FRMD4A: variants seen among roughly 807,000 people sequenced by gnomAD.
FRMD4A encodes FERM domain containing 4A.
Under a neutral mutation model 129.1 loss-of-function variants are expected in FRMD4A, and 29 were observed. That is an observed-to-expected ratio of 0.22 (90% CI 0.17 to 0.31). FRMD4A has a LOEUF of 0.31. Among genes scored for constraint, FRMD4A ranks in the 10% least tolerant of loss-of-function variants. The pLI, the probability that FRMD4A is intolerant of heterozygous loss-of-function variation, is 1.00. For missense variants in FRMD4A, 1,272 were observed against 1,375.8 expected (o/e 0.92, Z 1.19); for synonymous variants, 634 against 571.6 (o/e 1.11, Z -1.56).
In FRMD4A at chr10:14,066,008, T is replaced by TGTG. The variant is rs1588899002; in HGVS notation, c.46-207097_46-207096insCAC. ...GGAAGTATGAAGTGGGGGTATGTAT[T>TGTG]TGTGTGTGTGTGTGTGTGTGTGTGT... is the stretch of plus-strand genomic sequence containing the variant. On this transcript the variant is annotated intron_variant, in intron 2 of 24. Coordinates refer to ENST00000357447, the MANE Select transcript of FRMD4A (RefSeq NM_018027.5). Among the ~76,000 whole-genome samples, 242 of 139,224 alleles carry TGTG rather than the reference T, an allele frequency of 1.7e-3. 1 individual carries two copies. The highest frequency in any genetic ancestry group is 6.0e-3 in the African/African-American group (224 of 37,440). The allele number at this position is 139,224 out of a possible 152,430, so 91.3% of individuals were successfully genotyped here. A position where few individuals can be genotyped will look rare whatever the true frequency, so the allele number is the denominator to read the frequency against.
chr10:14,021,950 G>T (rs927983309), intron 2 of FRMD4A, among the ~76,000 whole-genome samples: 2 of 149,812 alleles, frequency 1.3e-5, no homozygotes, highest in Non-Finnish European at 3.0e-5. Context: ...AGATTTCTGC[G>T]TTTTTTTTTG....
At chr10:14,225,769 G>A (rs1016601536) in intron 2 of FRMD4A, among the ~76,000 whole-genome samples, 3 of 152,204 alleles carry the variant, frequency 2.0e-5, no homozygotes, top group Admixed American at 6.5e-5. Context: ...AGAAGAAGCT[G>A]GTTAGACAGA....
intron 2 of FRMD4A, among the ~76,000 whole-genome samples, chr10:14,108,593 T>C (rs369892377): frequency 3.0e-4 from 46 of 152,292 alleles, no homozygotes; most frequent in African/African-American, 1.1e-3. Context: ...CATCAAGAAC[T>C]TAACCCAATT....
intron 2 of FRMD4A, among the ~76,000 whole-genome samples, chr10:14,188,208 C>A (rs767183080): frequency 6.6e-6 from 1 of 152,154 alleles, no homozygotes; most frequent in Non-Finnish European, 1.5e-5. Context: ...TAAAAAATGA[C>A]TGGATTCTCA....
chr10:14,112,269 C>T (rs192608701), intron 2 of FRMD4A, among the ~76,000 whole-genome samples: 3 of 152,112 alleles, frequency 2.0e-5, no homozygotes, highest in African/African-American at 7.2e-5. Flanking sequence ...TAATTAGGAG[C>T]TGTGTAGATC....
At chr10:14,042,961 C>G (rs1446581075) in intron 2 of FRMD4A, among the ~76,000 whole-genome samples, 1 of 142,026 alleles carries the variant, frequency 7.0e-6, no homozygotes, top group Admixed American at 7.0e-5. Context: ...AAATTCATTT[C>G]GAAACAAAAC....
chr10:13,789,669 A>G (rs1185443646), intron 5 of FRMD4A, among the ~76,000 whole-genome samples: 2 of 151,656 alleles, frequency 1.3e-5, no homozygotes, highest in African/African-American at 4.8e-5. Context: ...CCTGGTGAAC[A>G]ATATCAGAGA....
chr10:13,835,000 CATCT>C (rs1280016860), intron 3 of FRMD4A, among the ~76,000 whole-genome samples: 1 of 152,186 alleles, frequency 6.6e-6, no homozygotes, highest in Non-Finnish European at 1.5e-5. Flanking sequence ...ATGATGATAT[CATCT>C]ATCTAAGACC....
At position 13,672,158 on chromosome 10, in the gene FRMD4A, G is replaced by A. The variant is rs11258511; in HGVS notation, c.1252-1630C>T. On this transcript the variant is annotated intron_variant, in intron 16 of 24. Transcript: ENST00000357447. ...AGCATAAACACATACTCCGTCACTC[G>A]CCTGCTTCTCCCTCGCTGTGTTCAG... Among the ~76,000 whole-genome samples the A allele has an allele frequency of 6.1e-3, 925 of 152,286 alleles. 7 individuals are homozygous for A. Among genetic ancestry groups the A allele is most frequent in the African/African-American group, 0.021 (883 of 41,546 alleles).
chr10:13,900,394 A>G (rs1243071138), intron 2 of FRMD4A, among the ~76,000 whole-genome samples: 1 of 152,222 alleles, frequency 6.6e-6, no homozygotes, highest in Non-Finnish European at 1.5e-5. Flanking sequence ...AACTCATGGC[A>G]ACAAAAACCC....
intron 2 of FRMD4A, among the ~76,000 whole-genome samples, chr10:14,127,941 T>C (rs1838947922): frequency 7.7e-5 from 1 of 12,982 alleles, no homozygotes; most frequent in Non-Finnish European, 1.4e-4. Context: ...TTTCTTTCTT[T>C]CTTTCTTTCT....
chr10:14,154,225 A>AC (rs1840488338), intron 2 of FRMD4A, among the ~76,000 whole-genome samples: 2 of 152,126 alleles, frequency 1.3e-5, no homozygotes, highest in African/African-American at 4.8e-5. Context: ...GGTGCTGAAG[A>AC]CCAAGGAAGG....
rs368423347 is a variant in FRMD4A at position 13,918,621 on chromosome 10, C to T, written c.46-59709G>A. On this transcript the variant is annotated intron_variant, in intron 2 of 24. Coordinates refer to ENST00000357447, the MANE Select transcript of FRMD4A (RefSeq NM_018027.5). Reference sequence around the variant, plus strand: ...TCGGCTCACTGCAACCTCTGCCTTCCGGATTCAAGTGATTCTCCTGCCTCA... The same window carrying T: ...TCGGCTCACTGCAACCTCTGCCTTCTGGATTCAAGTGATTCTCCTGCCTCA... Among the ~76,000 whole-genome samples the T allele has an allele frequency of 2.1e-3, 311 of 151,366 alleles. 1 individual carries two copies. Among genetic ancestry groups the T allele is most frequent in the African/African-American group, 6.9e-3 (283 of 41,186 alleles).
chr10:14,047,797 C>T (rs1026136799), intron 2 of FRMD4A, among the ~76,000 whole-genome samples: 3 of 152,176 alleles, frequency 2.0e-5, no homozygotes, highest in Admixed American at 6.5e-5. Context: ...AGTGGCAAAG[C>T]GGTGACTTGG....
chr10:14,115,804 G>C (rs1340188932), intron 2 of FRMD4A, among the ~76,000 whole-genome samples: 1 of 152,182 alleles, frequency 6.6e-6, no homozygotes, highest in East Asian at 1.9e-4. Flanking sequence ...CAGTGCCATG[G>C]TTCTTGTCTG....
chr10:13,934,067 C>T (rs897171728), intron 2 of FRMD4A, among the ~76,000 whole-genome samples: 1 of 152,148 alleles, frequency 6.6e-6, no homozygotes, highest in African/African-American at 2.4e-5. Context: ...ATCAGAAAAG[C>T]ACTACAGGAT....
intron 2 of FRMD4A, among the ~76,000 whole-genome samples, chr10:14,287,595 C>G (rs1301669330): frequency 6.6e-6 from 1 of 152,122 alleles, no homozygotes; most frequent in African/African-American, 2.4e-5. Flanking sequence ...TTCTCAGACC[C>G]AATTGTACTG....
intron 4 of FRMD4A, among the ~76,000 whole-genome samples, chr10:13,807,708 T>C (rs1349952479): frequency 6.6e-6 from 1 of 152,156 alleles, no homozygotes; most frequent in African/African-American, 2.4e-5. Flanking sequence ...TCCAGTTTCA[T>C]CTAGATCCCA....
chr10:14,210,097 T>C (rs990761151), intron 2 of FRMD4A, among the ~76,000 whole-genome samples: 3 of 152,212 alleles, frequency 2.0e-5, no homozygotes, highest in Non-Finnish European at 2.9e-5. Flanking sequence ...GCCACCAAGC[T>C]TGTGATACTT....
Sources: gnomAD v4.1 joint callset for allele counts (sites outside exome capture counted in the v4.1 genomes callset) on GRCh38, gnomAD v4.1.1 for gene constraint, MANE v1.5 for transcripts, NCBI Gene and HGNC (gene_info 2026-07-23, HGNC 2026-07-21) for gene names.